Variants in ZYG11A observed in about 807,000 individuals in gnomAD.
ZYG11A encodes protein zyg-11 homolog A.
ZYG11A carries 62 observed loss-of-function variants against 77.2 expected under a neutral mutation model. The observed-to-expected ratio is 0.80, with a 90% CI of 0.65 to 0.99. The LOEUF (loss-of-function observed/expected upper bound fraction) is 0.99, where lower values mean the gene tolerates loss of function less well. Ranked by LOEUF, ZYG11A falls within the 50% of genes least tolerant of loss-of-function variation. ZYG11A has a pLI of 0.00. For missense variants in ZYG11A, 828 were observed against 896.8 expected, an observed-to-expected ratio of 0.92 and a Z score of 0.98; for synonymous variants, 315 against 324.6, an observed-to-expected ratio of 0.97 and a Z score of 0.32.
At chr1:52,872,882 CAAAAA>C (rs59422649) in intron 8 of ZYG11A, among the ~76,000 whole-genome samples, 4 of 112,170 alleles carry the variant, frequency 3.6e-5, no homozygotes, top group Non-Finnish European at 5.2e-5. Flanking sequence ...GACTCTGTCT[CAAAAA>C]AAAAAAAAAA....
chr1:52,882,672 A>G (rs916526865), intron 11 of ZYG11A, among the ~76,000 whole-genome samples: 1 of 152,170 alleles, frequency 6.6e-6, no homozygotes, highest in African/African-American at 2.4e-5. Context: ...TAGCTTTGAA[A>G]TATTTTTCCT....
chr1:52,859,357 ACG>A (rs957385137), intron 3 of ZYG11A, among the ~76,000 whole-genome samples: 6 of 148,992 alleles, frequency 4.0e-5, no homozygotes, highest in African/African-American at 1.5e-4. Flanking sequence ...TTTTTTTGAG[ACG>A]GAGTCTTGCT....
At position 52,864,249 on chromosome 1, in the gene ZYG11A, G is replaced by T. The variant is rs2150002133; in HGVS notation, c.1326+92G>T. 2.3e-6 allele frequency: 3 copies of T among 1,325,470 alleles called. No individual in the cohort carries two copies. In the East Asian group the frequency reaches 7.6e-5, roughly 34 times the overall value. 82.1% of individuals were successfully genotyped at this position (1,325,470 alleles called of 1,614,324 possible). A position where few individuals can be genotyped will look rare whatever the true frequency, so the allele number is the denominator to read the frequency against. ...AGGCCAGAGTGCCGTGGCACAATTT[G>T]TTTTTGTTTTTTTAAAGACAGAGTC... On this transcript the variant is annotated intron_variant, in intron 5 of 13. Coordinates refer to ENST00000371528, the MANE Select transcript of ZYG11A (RefSeq NM_001004339.3).
intron 4 of ZYG11A, among the ~76,000 whole-genome samples, chr1:52,862,314 G>GTT (rs1277355334): frequency 5.6e-4 from 78 of 138,242 alleles, no homozygotes; most frequent in Admixed American, 1.2e-3. Flanking sequence ...TTTTTTTTTG[G>GTT]TTTTTTTTTT....
At position 52,867,625 on chromosome 1, in the gene ZYG11A, T is replaced by C. The variant is rs148472594; in HGVS notation, c.1478T>C (p.Ile493Thr). 2.3e-5 allele frequency: 35 copies of C among 1,552,200 alleles called. No individual in the cohort carries two copies. The highest frequency in any genetic ancestry group is 2.4e-5 in the Non-Finnish European group (28 of 1,147,008). Residue 493 changes from isoleucine to threonine, a missense_variant, in exon 7 of 14, where the codon ATT becomes ACT. Coordinates refer to ENST00000371528, the MANE Select transcript of ZYG11A (RefSeq NM_001004339.3). The stretch of plus-strand genomic sequence containing the variant: ...ACAATGGCAGTGAGTGTCACCTCTA[T>C]TCTGGCTCTGCAGGTTTGTGATTTC... ...MQTMAVSVTS[I>T]LALQLSPEQT...
At chr1:52,884,182 T>C (rs551538280) in intron 11 of ZYG11A, among the ~76,000 whole-genome samples, 2 of 145,176 alleles carry the variant, frequency 1.4e-5, no homozygotes, top group South Asian at 5.1e-4. Flanking sequence ...ACCCGGCCAA[T>C]AAATAAAATT....
intron 1 of ZYG11A, among the ~76,000 whole-genome samples, chr1:52,848,169 A>G (rs1323428034): frequency 6.6e-6 from 1 of 151,054 alleles, no homozygotes; most frequent in Non-Finnish European, 1.5e-5. Context: ...ATGCCCAGCT[A>G]TTTTTGTATT....
Position 52,842,950 on chromosome 1 carries a change from G to A in ZYG11A, c.67G>A (p.Ala23Thr), listed in dbSNP as rs1051056584. Residue 23 changes from alanine (A) to threonine (T), a missense_variant, in exon 1 of 14, where the codon GCC (alanine) becomes ACC (threonine). Transcript: ENST00000371528. ...NIVPPDAQKDALGCCVVQEEA... is the reference protein window; with the variant it reads ...NIVPPDAQKDTLGCCVVQEEA... ...CGTCCCTCCTGACGCTCAGAAGGAT[G>A]CCCTGGGCTGCTGCGTGGTACAGGT... is the stretch of plus-strand genomic sequence containing the variant. 2.0e-6 allele frequency: 3 copies of A among 1,530,096 alleles called. No individual in the cohort carries two copies. The highest frequency in any genetic ancestry group is 5.3e-5 in the East Asian group (2 of 37,948). 94.8% of individuals were successfully genotyped at this position (1,530,096 alleles called of 1,614,324 possible).
chr1:52,863,291 T>A (rs1645963754), intron 4 of ZYG11A, among the ~76,000 whole-genome samples: 1 of 152,234 alleles, frequency 6.6e-6, no homozygotes, highest in Non-Finnish European at 1.5e-5. Context: ...TTCCACAGTG[T>A]AGCTTCAAGT....
At position 52,870,614 on chromosome 1, in the gene ZYG11A, C is replaced by T. The variant is rs530700468; in HGVS notation, c.1542+2837C>T. On this transcript the variant is annotated intron_variant, in intron 8 of 13. Coordinates refer to ENST00000371528, the MANE Select transcript of ZYG11A (RefSeq NM_001004339.3). ...GAGACTCCATCTGCCATCCCGGCAC[C>T]TTGGGAGGCCGAGGCTGGCGGATCA... 7.2e-3 allele frequency among the ~76,000 whole-genome samples: 1,100 copies of T among 152,352 alleles called. 11 individuals are homozygous for T. The highest frequency in any genetic ancestry group is 8.8e-3 in the Non-Finnish European group (601 of 68,038).
chr1:52,885,909 T>C lies in ZYG11A; in HGVS notation c.2006+15T>C, dbSNP rs1054001142. On this transcript the variant is annotated intron_variant, in intron 12 of 13. Transcript: ENST00000371528. Reference sequence around the variant, plus strand: ...GTGACCTATAGGTAATTTCATGGTGTTGTGCTTTTCTTCTTTTTTTTTTCT... The same window carrying C: ...GTGACCTATAGGTAATTTCATGGTGCTGTGCTTTTCTTCTTTTTTTTTTCT... 1 of 1,514,516 alleles carries C rather than the reference T, an allele frequency of 6.6e-7. No individual in the cohort carries two copies. The highest frequency in any genetic ancestry group is 8.8e-7 in the Non-Finnish European group (1 of 1,133,182). The allele number at this position is 1,514,516 out of a possible 1,614,324, so 93.8% of individuals were successfully genotyped here.
intron 2 of ZYG11A, among the ~76,000 whole-genome samples, chr1:52,856,455 C>CAAAAA (rs57138221): frequency 3.8e-5 from 4 of 104,064 alleles, no homozygotes; most frequent in East Asian, 3.4e-4. Context: ...GACTCCATCT[C>CAAAAA]AAAAAAAAAA....
intron 2 of ZYG11A, among the ~76,000 whole-genome samples, chr1:52,856,429 C>T (rs1645811645): frequency 7.1e-6 from 1 of 141,620 alleles, no homozygotes. Context: ...GCACTCCAGC[C>T]TGGGTGACAG....
intron 8 of ZYG11A, among the ~76,000 whole-genome samples, chr1:52,870,633 C>T (rs528246921): frequency 3.3e-5 from 5 of 152,232 alleles, no homozygotes; most frequent in Non-Finnish European, 7.3e-5. Context: ...CCGAGGCTGG[C>T]GGATCACTCG....
chr1:52,881,686 T>C (rs1646365268), intron 11 of ZYG11A, 21 bp downstream of exon 11: 2 of 1,510,390 alleles, frequency 1.3e-6, no homozygotes, highest in Non-Finnish European at 8.9e-7. Context: ...CACATTCTTA[T>C]TTATAAAATC....
chr1:52,862,190 C>CA, intron 4 of ZYG11A, among the ~76,000 whole-genome samples: 1 of 151,250 alleles, frequency 6.6e-6, no homozygotes, highest in Middle Eastern at 3.4e-3. Flanking sequence ...GCCTGGGCGA[C>CA]AGAGCAAGAC....
chr1:52,861,146 A>C (rs1414083521), intron 4 of ZYG11A, among the ~76,000 whole-genome samples: 1 of 152,212 alleles, frequency 6.6e-6, no homozygotes, highest in Non-Finnish European at 1.5e-5. Flanking sequence ...ACAAGTGCAG[A>C]ACAAAATAAA....
rs1164381286 is a variant in ZYG11A, at chr1:52,857,747, A to G, written c.1006A>G (p.Arg336Gly). 1 of 1,543,688 alleles carries G rather than the reference A, an allele frequency of 6.5e-7. No individual in the cohort carries two copies. The highest frequency in any genetic ancestry group is 8.7e-7 in the Non-Finnish European group (1 of 1,143,520). ...CTTCTTTACTACAAAGCAAGGCTTG[A>G]GGGTTTGTTCTTATCTGAATAAGTT... is the stretch of plus-strand genomic sequence containing the variant. ...SDFFTTKQGL[R>G]VAGGASMSQI... Residue 336 changes from arginine to glycine, a missense_variant and splice_region_variant, in exon 3 of 14, where the codon AGG becomes GGG. Transcript: ENST00000371528.
Position 52,842,829 on chromosome 1 carries a change from C to A in ZYG11A, c.-55C>A. On this transcript the variant is annotated 5_prime_UTR_variant, in exon 1 of 14. Coordinates refer to ENST00000371528, the MANE Select transcript of ZYG11A (RefSeq NM_001004339.3). Reference sequence around the variant, plus strand: ...GCCGCCCGCTTGGTTCTCGCGGGATCCGGGCTCCGGCTCGACGCCGGCTCT... The same window carrying A: ...GCCGCCCGCTTGGTTCTCGCGGGATACGGGCTCCGGCTCGACGCCGGCTCT... 1 of 1,498,352 alleles carries A rather than the reference C, an allele frequency of 6.7e-7. No homozygotes were observed. The highest frequency in any genetic ancestry group is 9.0e-7 in the Non-Finnish European group (1 of 1,114,370). 92.8% of individuals were successfully genotyped at this position (1,498,352 alleles called of 1,614,324 possible). A position where few individuals can be genotyped will look rare whatever the true frequency, so the allele number is the denominator to read the frequency against.
Sources: gnomAD v4.1 joint callset for allele counts (sites outside exome capture counted in the v4.1 genomes callset) on GRCh38, gnomAD v4.1.1 for gene constraint, MANE v1.5 for transcripts, NCBI Gene and HGNC (gene_info 2026-07-23, HGNC 2026-07-21) for gene names.